FAT3: variants seen among roughly 807,000 people sequenced by gnomAD.
FAT3 encodes protocadherin Fat 3.
Under a neutral mutation model 310.2 loss-of-function variants are expected in FAT3, and 95 were observed. That is an observed-to-expected ratio of 0.31 (90% confidence interval 0.26 to 0.36). The LOEUF is 0.36. Among genes scored for constraint, FAT3 ranks in the 10% least tolerant of loss-of-function variants. FAT3 has a pLI of 1.00. For missense variants in FAT3, 5,408 were observed against 5,715.6 expected (o/e 0.95, Z 1.74); for synonymous variants, 2,314 against 2,192.9 (o/e 1.06, Z -1.54).
intron 2 of FAT3, among the ~76,000 whole-genome samples, chr11:92,481,138 T>C (rs930327965): frequency 6.6e-6 from 1 of 152,206 alleles, no homozygotes; most frequent in Non-Finnish European, 1.5e-5. Flanking sequence ...AATCTATGTC[T>C]CATATGTGAG....
intron 1 of FAT3, among the ~76,000 whole-genome samples, chr11:92,338,130 T>A (rs968519326): frequency 6.6e-5 from 10 of 152,248 alleles, no homozygotes; most frequent in African/African-American, 2.4e-4. Context: ...ATCTAAATTC[T>A]TGTCAGCTTC....
chr11:92,601,780 T>A (rs566155306), intron 3 of FAT3, among the ~76,000 whole-genome samples: 19 of 152,304 alleles, frequency 1.2e-4, no homozygotes, highest in African/African-American at 4.1e-4. Context: ...TTTGTCCTTC[T>A]GCACCAGAGT....
At chr11:92,685,520 A>G (rs1291298756) in intron 3 of FAT3, among the ~76,000 whole-genome samples, 2 of 151,652 alleles carry the variant, frequency 1.3e-5, no homozygotes, top group African/African-American at 2.4e-5. Context: ...GGATGGAAGC[A>G]TGTGTGTGTG....
At chr11:92,657,234 T>C (rs966888517) in intron 3 of FAT3, among the ~76,000 whole-genome samples, 1 of 152,178 alleles carries the variant, frequency 6.6e-6, no homozygotes, top group African/African-American at 2.4e-5. Flanking sequence ...TCCAAGTGGT[T>C]GGTCATCCCC....
chr11:92,227,671 A>C (rs1382340224), intron 1 of FAT3, among the ~76,000 whole-genome samples: 1 of 152,050 alleles, frequency 6.6e-6, no homozygotes, highest in Non-Finnish European at 1.5e-5. Context: ...GAGAAGAGAG[A>C]AGAGATTTGA....
intron 3 of FAT3, among the ~76,000 whole-genome samples, chr11:92,664,487 C>G (rs1473809552): frequency 6.6e-6 from 1 of 152,172 alleles, no homozygotes; most frequent in African/African-American, 2.4e-5. Flanking sequence ...TGTTTCTTAA[C>G]TAGGCTCTCA....
chr11:92,778,764 A>G (rs1341887193), intron 7 of FAT3, among the ~76,000 whole-genome samples: 1 of 152,002 alleles, frequency 6.6e-6, no homozygotes, highest in Non-Finnish European at 1.5e-5. Context: ...ACTCCCTGGG[A>G]AACATATGCA....
chr11:92,279,313 G>A (rs1221465559), intron 1 of FAT3, among the ~76,000 whole-genome samples: 1 of 151,996 alleles, frequency 6.6e-6, no homozygotes, highest in East Asian at 1.9e-4. Context: ...CCTCTTATGT[G>A]GGAAGTTACA....
intron 3 of FAT3, among the ~76,000 whole-genome samples, chr11:92,548,714 AT>A (rs1257780440): frequency 6.6e-6 from 1 of 152,222 alleles, no homozygotes; most frequent in Non-Finnish European, 1.5e-5. Context: ...TCAGTAAAAG[AT>A]CTTTCTGAAA....
chr11:92,564,733 C>T (rs2135481641), intron 3 of FAT3, among the ~76,000 whole-genome samples: 1 of 151,476 alleles, frequency 6.6e-6, no homozygotes, highest in Non-Finnish European at 1.5e-5. Flanking sequence ...TTAAGGAACT[C>T]ACTCAAAACC....
At chr11:92,595,566 G>T (rs980794189) in intron 3 of FAT3, among the ~76,000 whole-genome samples, 14 of 151,978 alleles carry the variant, frequency 9.2e-5, no homozygotes, top group African/African-American at 3.4e-4. Flanking sequence ...TTCTTTGATT[G>T]GTCTATGAAC....
intron 3 of FAT3, among the ~76,000 whole-genome samples, chr11:92,576,975 G>T (rs1938515512): frequency 6.6e-6 from 1 of 151,776 alleles, no homozygotes; most frequent in African/African-American, 2.4e-5. Flanking sequence ...TTATTTTTCT[G>T]TATATATTTG....
chr11:92,330,235 T>G (rs1220989606), intron 1 of FAT3, among the ~76,000 whole-genome samples: 2 of 152,180 alleles, frequency 1.3e-5, no homozygotes, highest in Non-Finnish European at 2.9e-5. Flanking sequence ...CAAAACTCCA[T>G]GTATGTTGAA....
intron 19 of FAT3, among the ~76,000 whole-genome samples, chr11:92,853,659 C>T (rs1170419974): frequency 6.6e-6 from 1 of 152,012 alleles, no homozygotes; most frequent in Non-Finnish European, 1.5e-5. Context: ...GTGGGTAGCC[C>T]CTTACTGCAG....
intron 9 of FAT3, among the ~76,000 whole-genome samples, chr11:92,797,179 G>A (rs1947199114): frequency 6.6e-6 from 1 of 152,214 alleles, no homozygotes; most frequent in Non-Finnish European, 1.5e-5. Context: ...TAGAAGAGAA[G>A]TCAGGAAAAT....
At chr11:92,637,159 T>C (rs1024942646) in intron 3 of FAT3, among the ~76,000 whole-genome samples, 1 of 152,154 alleles carries the variant, frequency 6.6e-6, no homozygotes, top group African/African-American at 2.4e-5. Flanking sequence ...GAAAAGACAT[T>C]TCCTCTCTCA....
chr11:92,256,140 G>GT (rs548917699), intron 1 of FAT3, among the ~76,000 whole-genome samples: 53 of 152,030 alleles, frequency 3.5e-4, no homozygotes, highest in African/African-American at 1.2e-3. Flanking sequence ...ATCTTTGGCT[G>GT]TTTTTTTCAG....
chr11:92,880,654 G>A (rs2136396179), intron 22 of FAT3, 77 bp from the exon 23 acceptor site: 6 of 1,473,978 alleles, frequency 4.1e-6, no homozygotes, highest in Non-Finnish European at 5.5e-6. Flanking sequence ...AGAATTAGGA[G>A]GACATGTTAT....
chr11:92,339,324 C>T (rs1005286674), intron 1 of FAT3, among the ~76,000 whole-genome samples: 1 of 152,138 alleles, frequency 6.6e-6, no homozygotes, highest in South Asian at 2.1e-4. Flanking sequence ...TTGCCCCTTA[C>T]TCTATGGGAA....
Sources: allele counts gnomAD v4.1 joint callset (sites outside exome capture counted in the v4.1 genomes callset), GRCh38; gene constraint gnomAD v4.1.1; transcripts MANE v1.5; gene names NCBI Gene and HGNC (gene_info 2026-07-23, HGNC 2026-07-21).